The following NOL8 variants were observed in gnomAD, a reference collection of about 807,000 sequenced individuals.
NOL8 encodes nucleolar protein Nop132.
A neutral mutation model predicts 116.1 loss-of-function variants in NOL8; 93 were observed. That is an observed-to-expected ratio of 0.80 (90% CI 0.68 to 0.95). NOL8 has a LOEUF of 0.95. NOL8 is among the 40% of genes least tolerant of loss of function. The probability of loss-of-function intolerance (pLI) is 0.00; values close to 1 mark genes in which losing one functional copy is unlikely to be tolerated. For missense variants in NOL8, 1,291 were observed against 1,382.8 expected (o/e 0.93, Z 1.05); for synonymous variants, 419 against 469.0 (o/e 0.89, Z 1.38).
Position 92,324,212 on chromosome 9 carries a change from G to C in NOL8, c.-48-3C>G. 1 of 1,577,906 alleles carries C rather than the reference G, an allele frequency of 6.3e-7. No homozygotes were observed. Among genetic ancestry groups the C allele is most frequent in the African/African-American group, 1.4e-5 (1 of 73,704 alleles). On this transcript the variant is annotated splice_region_variant and splice_polypyrimidine_tract_variant and intron_variant, in intron 1 of 16. Coordinates refer to ENST00000442668, the MANE Select transcript of NOL8 (RefSeq NM_017948.6). ...GTTTCAGTGGGAAAAGTAATTTTCT[G>C]TATACAGAGAAGAGTTCTTTCCCTT...
At chr9:92,309,358 T>C (rs1240497856) in intron 10 of NOL8, among the ~76,000 whole-genome samples, 1 of 152,176 alleles carries the variant, frequency 6.6e-6, no homozygotes, top group Non-Finnish European at 1.5e-5. Flanking sequence ...AGGAATGGCT[T>C]TTTTGGGACC....
intron 8 of NOL8, 54 bp from the exon 9 acceptor site, chr9:92,310,729 C>A (rs1838695877): frequency 3.2e-6 from 5 of 1,539,508 alleles, no homozygotes; most frequent in Non-Finnish European, 4.4e-6. Flanking sequence ...CAGTATTTCC[C>A]TTCATAACGT....
At chr9:92,306,767 G>C (rs1044325645) in intron 11 of NOL8, 119 bp downstream of exon 11, 3 of 847,504 alleles carry the variant, frequency 3.5e-6, no homozygotes, top group Non-Finnish European at 5.6e-6. Flanking sequence ...TTAAGGGTCT[G>C]ATACATATTG....
chr9:92,306,949 CTT>C lies in NOL8; in HGVS notation c.2760_2761del (p.Ser921CysfsTer18), dbSNP rs1838321017. On this transcript the variant is annotated frameshift_variant, in exon 11 of 17. Transcript: ENST00000442668. LOFTEE classifies it high-confidence loss of function. ...ATTGCTTAAGTTGATTTGCAAAACA[CTT>C]TGTACAACATTCAGGGCTTTCTTTT... 1 of 1,613,492 alleles carries C rather than the reference CTT, an allele frequency of 6.2e-7. No individual in the cohort carries two copies. Among genetic ancestry groups the C allele is most frequent in the Non-Finnish European group, 8.5e-7 (1 of 1,179,652 alleles).
In NOL8 at chr9:92,297,643, T is replaced by C; in HGVS notation, c.*193A>G. ...TTTATAAGAAGTTGAATTTAATTTTTGAAGTAATTACTTAGGAAGAAATGC... is the reference window on the plus strand; with the variant it reads ...TTTATAAGAAGTTGAATTTAATTTTCGAAGTAATTACTTAGGAAGAAATGC... On this transcript the variant is annotated 3_prime_UTR_variant, in exon 17 of 17. Coordinates refer to ENST00000442668, the MANE Select transcript of NOL8 (RefSeq NM_017948.6). The C allele has an allele frequency of 1.8e-6, 1 of 552,664 alleles. No individual in the cohort carries two copies. Among genetic ancestry groups the C allele is most frequent in the Non-Finnish European group, 3.2e-6 (1 of 311,848 alleles). 34.2% of individuals were successfully genotyped at this position (552,664 alleles called of 1,614,324 possible).
Position 92,307,040 on chromosome 9 carries a change from A to G in NOL8, c.2687-16T>C. On this transcript the variant is annotated splice_polypyrimidine_tract_variant and intron_variant, in intron 10 of 16. Coordinates refer to ENST00000442668, the MANE Select transcript of NOL8 (RefSeq NM_017948.6). ...TCATTTACCTCTTTGAGGAAAAGGGATAATTAATACTCTCTTGGAAAACAC... is the reference window on the plus strand; with the variant it reads ...TCATTTACCTCTTTGAGGAAAAGGGGTAATTAATACTCTCTTGGAAAACAC... 1 of 1,603,650 alleles carries G rather than the reference A, an allele frequency of 6.2e-7. No homozygotes were observed. The highest frequency in any genetic ancestry group is 8.5e-7 in the Non-Finnish European group (1 of 1,177,536).
chr9:92,311,302 G>T (rs752877184), intron 7 of NOL8, 43 bp from the exon 8 acceptor site: 3 of 1,455,290 alleles, frequency 2.1e-6, no homozygotes, highest in Non-Finnish European at 2.9e-6. Flanking sequence ...AAAGATTTAT[G>T]ATGAAGACTC....
chr9:92,319,342 C>T lies in NOL8; in HGVS notation c.296G>A (p.Arg99Lys), dbSNP rs749146012. ...ESFLHRLAQE[R>K]EAAKAKKEES... ...TTCTTTCTTAGCTTTTGCTGCTTCT[C>T]TCTCTTGGGCCAATCTGAATCAAAA... The change falls in exon 5 of 17, where the codon AGA (arginine) becomes AAA (lysine). Residue 99 changes from arginine to lysine, a missense_variant. Transcript: ENST00000442668. The T allele has an allele frequency of 8.3e-6, 13 of 1,575,098 alleles. No homozygotes were observed. The highest frequency in any genetic ancestry group is 8.2e-5 in the South Asian group (7 of 85,600).
chr9:92,312,418 C>T (rs1232001325), intron 7 of NOL8, among the ~76,000 whole-genome samples: 3 of 133,058 alleles, frequency 2.3e-5, no homozygotes, highest in African/African-American at 5.8e-5. Flanking sequence ...CATACCACTG[C>T]ACCCCAGGGT....
At chr9:92,320,302 T>A (rs1839814782) in intron 4 of NOL8, 3 of 412,416 alleles carry the variant, frequency 7.3e-6, no homozygotes, top group South Asian at 5.4e-5. Flanking sequence ...TCCACGCAGA[T>A]ACTCCAAGCA....
intron 15 of NOL8, chr9:92,298,546 T>C: frequency 2.0e-6 from 1 of 495,928 alleles, no homozygotes; most frequent in South Asian, 3.4e-5. Flanking sequence ...TACTATTATG[T>C]AACTTTGTTT....
At chr9:92,323,285 C>T (rs1223958702) in intron 3 of NOL8, 156 bp downstream of exon 3, 1 of 1,531,344 alleles carries the variant, frequency 6.5e-7, no homozygotes, top group Non-Finnish European at 8.7e-7. Context: ...GGACCTAAAC[C>T]TGCTGAGTTA....
At chr9:92,307,074 A>G in intron 10 of NOL8, 50 bp from the exon 11 acceptor site, 1 of 1,557,616 alleles carries the variant, frequency 6.4e-7, no homozygotes, top group South Asian at 1.2e-5. Context: ...ACAGCCTGAG[A>G]AGTCTCAATC....
intron 1 of NOL8, chr9:92,324,632 C>T (rs1163557572): frequency 6.6e-6 from 1 of 152,492 alleles, no homozygotes; most frequent in Non-Finnish European, 1.5e-5. Flanking sequence ...TCTCCACCCC[C>T]AACCTACCCA....
At chr9:92,323,636 GT>G (rs1426766916) in intron 2 of NOL8, 133 bp from the exon 3 acceptor site, 11 of 644,274 alleles carry the variant, frequency 1.7e-5, no homozygotes, top group Non-Finnish European at 2.4e-5. Context: ...GATAAACCTT[GT>G]TTTTTATTGG....
In NOL8 at chr9:92,315,220, C is replaced by T; in HGVS notation, c.1405G>A (p.Glu469Lys). 1 of 1,613,992 alleles carries T rather than the reference C, an allele frequency of 6.2e-7. No homozygotes were observed. The highest frequency in any genetic ancestry group is 8.5e-7 in the Non-Finnish European group (1 of 1,179,888). Residue 469 changes from glutamate (E) to lysine (K), a missense_variant, in exon 7 of 17, where the codon GAA (glutamate) becomes AAA (lysine). Transcript: ENST00000442668. The part of the protein sequence containing the change: ...ADSASELADS[E>K]GGEEYNAMMK... ...ATGGCATTATACTCCTCACCTCCTT[C>T]AGAGTCAGCTAATTCTGATGCAGAA... is the stretch of plus-strand genomic sequence containing the variant.
At position 92,315,406 on chromosome 9, in the gene NOL8, T is replaced by C. The variant is rs138771936; in HGVS notation, c.1219A>G (p.Thr407Ala). ...CTATTTTTGAAAGAAGTTTTCTTCGTAGATTTTTCCATTTGTGAAAATTCT... is the reference window on the plus strand; with the variant it reads ...CTATTTTTGAAAGAAGTTTTCTTCGCAGATTTTTCCATTTGTGAAAATTCT... ...STEFSQMEKS[T>A]KKTSFKNREN... is the part of the protein sequence containing the mutation. Residue 407 changes from threonine to alanine, a missense_variant, in exon 7 of 17, where the codon ACG (threonine) becomes GCG (alanine). Transcript: ENST00000442668. 1.7e-4 allele frequency: 271 copies of C among 1,591,912 alleles called. 2 individuals are homozygous for C. The African/African-American group carries it at 3.1e-3, about 18-fold the overall frequency.
Position 92,319,232 on chromosome 9 carries a change from G to T in NOL8, c.406C>A (p.Pro136Thr), listed in dbSNP as rs773849225. The T allele has an allele frequency of 6.4e-7, 1 of 1,565,826 alleles. No homozygotes were observed. Among genetic ancestry groups the T allele is most frequent in the East Asian group, 2.4e-5 (1 of 41,752 alleles). ...HMKAVPGTEVPGHKNWVVSKF... is the reference protein window; with the variant it reads ...HMKAVPGTEVTGHKNWVVSKF... The stretch of plus-strand genomic sequence containing the variant: ...CAGAGGAGACTCACCTTATGCCCTG[G>T]CACTTCTGTCCCTGGCACAGCTTTC... Residue 136 changes from proline (P) to threonine (T), a missense_variant, in exon 5 of 17, where the codon CCA becomes ACA. Pro to Thr is a conservative substitution (Grantham distance 38). Transcript: ENST00000442668.
rs762331885 is a variant in NOL8 at position 92,311,273 on chromosome 9, C to T, written c.2359-14G>A. The T allele has an allele frequency of 1.6e-5, 26 of 1,586,896 alleles. No individual in the cohort carries two copies. Among genetic ancestry groups the T allele is most frequent in the East Asian group, 1.6e-4 (7 of 44,682 alleles). Reference sequence around the variant, plus strand: ...TGGATGACCATCCTAGGGAGGCCATCGAAAGCATTGCATCTTAAAAAGATT... The same window carrying T: ...TGGATGACCATCCTAGGGAGGCCATTGAAAGCATTGCATCTTAAAAAGATT... On this transcript the variant is annotated splice_polypyrimidine_tract_variant and intron_variant, in intron 7 of 16. Transcript: ENST00000442668.
Sources: allele counts gnomAD v4.1 joint callset (sites outside exome capture counted in the v4.1 genomes callset), GRCh38; gene constraint gnomAD v4.1.1; transcripts MANE v1.5; gene names NCBI Gene and HGNC (gene_info 2026-07-23, HGNC 2026-07-21).